LRCH3: variants seen among roughly 807,000 people sequenced by gnomAD.
The protein encoded by LRCH3 is leucine rich repeats and calponin homology domain containing 3, also known as DISP complex protein LRCH3.
Under a neutral mutation model 104.5 loss-of-function variants are expected in LRCH3, and 68 were observed. That is an observed-to-expected ratio of 0.65 (90% CI 0.54 to 0.80). The LOEUF (loss-of-function observed/expected upper bound fraction) is 0.80. Among genes scored for constraint, LRCH3 ranks in the 30% least tolerant of loss-of-function variants. LRCH3 has a pLI of 0.00. For synonymous variants in LRCH3, 344 were observed against 361.3 expected (o/e 0.95, Z 0.54); for missense variants, 951 against 953.9 (o/e 1.00, Z 0.04).
intron 17 of LRCH3, among the ~76,000 whole-genome samples, chr3:197,866,525 T>C (rs1741503069): frequency 6.6e-6 from 1 of 152,238 alleles, no homozygotes; most frequent in South Asian, 2.1e-4. Flanking sequence ...CATTTTTCTA[T>C]TGATAAAAGC....
In LRCH3 at chr3:197,791,546, C is replaced by CG; in HGVS notation, c.262+10dup. 6.4e-7 allele frequency: 1 copy of CG among 1,562,098 alleles called. No individual in the cohort carries two copies. Among genetic ancestry groups the CG allele is most frequent in the African/African-American group, 1.4e-5 (1 of 71,452 alleles). On this transcript the variant is annotated splice_region_variant and intron_variant, in intron 1 of 20. Transcript: ENST00000425562. Reference sequence around the variant, plus strand: ...GACGGACACCACCCGGGCGGGTGAGCGGGGCGGGGGGCGTCTCTGCCCGTC... The same window carrying CG: ...GACGGACACCACCCGGGCGGGTGAGCGGGGGCGGGGGGCGTCTCTGCCCGTC...
intron 8 of LRCH3, among the ~76,000 whole-genome samples, chr3:197,835,069 G>A (rs1314368021): frequency 6.6e-6 from 1 of 152,132 alleles, no homozygotes; most frequent in East Asian, 1.9e-4. Flanking sequence ...GCTTGAACGT[G>A]AGAAGCAGAG....
At chr3:197,814,447 C>G (rs907697558) in intron 1 of LRCH3, among the ~76,000 whole-genome samples, 4 of 152,326 alleles carry the variant, frequency 2.6e-5, no homozygotes, top group Admixed American at 1.3e-4. Context: ...CACCAGTTTA[C>G]AAGATAGTGT....
At chr3:197,839,074 A>G (rs1271787096) in intron 9 of LRCH3, among the ~76,000 whole-genome samples, 2 of 152,232 alleles carry the variant, frequency 1.3e-5, no homozygotes, top group Non-Finnish European at 2.9e-5. Context: ...AATGTATATA[A>G]TACAGTGAGA....
chr3:197,850,544 G>T, intron 12 of LRCH3: 3 of 1,588,876 alleles, frequency 1.9e-6, no homozygotes. Context: ...TCATGTATGG[G>T]TTAATCCGAC....
chr3:197,845,773 C>T (rs111664443), intron 10 of LRCH3, among the ~76,000 whole-genome samples: 2 of 151,982 alleles, frequency 1.3e-5, no homozygotes, highest in Non-Finnish European at 2.9e-5. Flanking sequence ...AGTGTGGTGG[C>T]GCATGCCTGT....
chr3:197,830,224 C>G (rs1224949921), intron 6 of LRCH3, among the ~76,000 whole-genome samples: 1 of 152,200 alleles, frequency 6.6e-6, no homozygotes, highest in Non-Finnish European at 1.5e-5. Context: ...ATAAGGTCAT[C>G]TGCTTGGCAG....
chr3:197,807,195 T>C (rs908558486), intron 1 of LRCH3, among the ~76,000 whole-genome samples: 1 of 151,890 alleles, frequency 6.6e-6, no homozygotes, highest in Admixed American at 6.6e-5. Flanking sequence ...GAAGTGAGTT[T>C]CTTGTAAATA....
At chr3:197,822,871 G>A (rs1350087578) in intron 4 of LRCH3, 4 of 149,744 alleles carry the variant, frequency 2.7e-5, no homozygotes, top group Non-Finnish European at 5.9e-5. Context: ...GTGCAGTGGT[G>A]CGATCTCAGC....
intron 15 of LRCH3, among the ~76,000 whole-genome samples, chr3:197,861,168 C>G (rs552234019): frequency 6.6e-6 from 1 of 152,242 alleles, no homozygotes; most frequent in South Asian, 2.1e-4. Context: ...AACTGTAAAT[C>G]TGAGAAACCT....
At chr3:197,861,537 T>G (rs1351845177) in intron 15 of LRCH3, among the ~76,000 whole-genome samples, 1 of 152,196 alleles carries the variant, frequency 6.6e-6, no homozygotes, top group African/African-American at 2.4e-5. Context: ...AAAATAAAAC[T>G]TCACTAGATT....
chr3:197,791,259 C>G lies in LRCH3; in HGVS notation c.-20C>G, dbSNP rs1276941600. The G allele has an allele frequency of 6.2e-7, 1 of 1,606,534 alleles. No homozygotes were observed. The highest frequency in any genetic ancestry group is 1.1e-5 in the South Asian group (1 of 90,084). On this transcript the variant is annotated 5_prime_UTR_variant, in exon 1 of 21. Coordinates refer to ENST00000425562, the MANE Select transcript of LRCH3 (RefSeq NM_001365715.1). The stretch of plus-strand genomic sequence containing the variant: ...CGCGCATGCGCTGAGCTGGCGGGCC[C>G]GAGTGTTGTCGGCTGGGAAATGGCG...
intron 1 of LRCH3, among the ~76,000 whole-genome samples, chr3:197,811,700 A>G (rs1365305917): frequency 6.6e-6 from 1 of 152,218 alleles, no homozygotes; most frequent in Non-Finnish European, 1.5e-5. Context: ...ATAAGTCCTA[A>G]TGTCATAATT....
At chr3:197,879,963 T>C (rs1411768476) in intron 20 of LRCH3, among the ~76,000 whole-genome samples, 1 of 151,466 alleles carries the variant, frequency 6.6e-6, no homozygotes, top group Non-Finnish European at 1.5e-5. Flanking sequence ...TTTTTTTTTT[T>C]GAGACGGAGT....
At chr3:197,812,205 C>T (rs1733203363) in intron 1 of LRCH3, among the ~76,000 whole-genome samples, 1 of 152,082 alleles carries the variant, frequency 6.6e-6, no homozygotes, top group Non-Finnish European at 1.5e-5. Flanking sequence ...AATCATTCTG[C>T]TTTATGTCTT....
chr3:197,882,086 TG>T, intron 20 of LRCH3: 1 of 985,432 alleles, frequency 1.0e-6, no homozygotes. Flanking sequence ...CAGGCTCTCA[TG>T]TGGTTTAGGG....
At chr3:197,872,479 C>G (rs974240778) in intron 19 of LRCH3, among the ~76,000 whole-genome samples, 1 of 152,088 alleles carries the variant, frequency 6.6e-6, no homozygotes, top group Non-Finnish European at 1.5e-5. Flanking sequence ...GCCTGTAGTC[C>G]CAGCTACTTG....
intron 8 of LRCH3, among the ~76,000 whole-genome samples, chr3:197,833,900 C>G (rs1486834965): frequency 6.6e-6 from 1 of 152,138 alleles, no homozygotes; most frequent in Non-Finnish European, 1.5e-5. Flanking sequence ...AGTTTTAGCA[C>G]ATTTAAAAAA....
chr3:197,815,800 G>A (rs1294995245), intron 2 of LRCH3, among the ~76,000 whole-genome samples: 1 of 152,104 alleles, frequency 6.6e-6, no homozygotes, highest in East Asian at 1.9e-4. Context: ...CACTATAAAA[G>A]TTGCAAATGT....
Sources: gnomAD v4.1 joint callset for allele counts (sites outside exome capture counted in the v4.1 genomes callset) on GRCh38, gnomAD v4.1.1 for gene constraint, MANE v1.5 for transcripts, NCBI Gene and HGNC (gene_info 2026-07-23, HGNC 2026-07-21) for gene names.